Variants in TMEM63C observed in about 807,000 individuals in gnomAD.
TMEM63C encodes osmosensitive cation channel TMEM63C.
In TMEM63C, 32 loss-of-function variants were observed where a neutral mutation model predicts 99.2. The ratio of observed to expected loss-of-function variants is 0.32; its 90% CI spans 0.24 to 0.43. The LOEUF (loss-of-function observed/expected upper bound fraction) is 0.43, where lower values mean the gene tolerates loss of function less well. Ranked by LOEUF, TMEM63C falls within the 20% of genes least tolerant of loss-of-function variation. The pLI is 1.00. For missense variants in TMEM63C, 826 were observed against 1,053.0 expected, an observed-to-expected ratio of 0.78 and a Z score of 2.98; for synonymous variants, 376 against 397.9, an observed-to-expected ratio of 0.94 and a Z score of 0.66.
In TMEM63C at chr14:77,191,375, G is replaced by A. The variant is rs138240229; in HGVS notation, c.-77+9481G>A. Among the ~76,000 whole-genome samples, 375 of 152,186 alleles carry A rather than the reference G, an allele frequency of 2.5e-3. 1 individual carries two copies. The highest frequency in any genetic ancestry group is 8.4e-3 in the African/African-American group (347 of 41,506). ...GTCCTATTCTTTACCTGTAGCCTAA[G>A]GTGTGAGCTATCCTGGAGAATGTTC... On this transcript the variant is annotated intron_variant, in intron 1 of 23. Coordinates refer to ENST00000298351, the MANE Select transcript of TMEM63C (RefSeq NM_020431.4).
At chr14:77,253,819 C>T (rs1304234404) in intron 23 of TMEM63C, among the ~76,000 whole-genome samples, 1 of 152,226 alleles carries the variant, frequency 6.6e-6, no homozygotes, top group Non-Finnish European at 1.5e-5. Context: ...CCGAAATGAG[C>T]GAGCCTGTCT....
In TMEM63C at chr14:77,236,712, G is replaced by A; in HGVS notation, c.631G>A (p.Ala211Thr). Residue 211 changes from alanine (A) to threonine (T), a missense_variant, in exon 9 of 24, where the codon GCA becomes ACA. Ala to Thr is a moderately conservative substitution (Grantham distance 58, BLOSUM62 0). Transcript: ENST00000298351. ...CATGGCTCATCACTGCCTGGGGTTT[G>A]CACCCAGGAATAGCCAAAAGGTAAG... is the stretch of plus-strand genomic sequence containing the variant. ...MFMAHHCLGF[A>T]PRNSQKVTRT... is the part of the protein sequence containing the mutation. 2 of 1,612,216 alleles carry A rather than the reference G, an allele frequency of 1.2e-6. No homozygotes were observed. Among genetic ancestry groups the A allele is most frequent in the Admixed American group, 1.7e-5 (1 of 59,964 alleles).
intron 19 of TMEM63C, 127 bp from the exon 20 acceptor site, chr14:77,248,640 T>C: frequency 6.7e-7 from 1 of 1,491,672 alleles, no homozygotes; most frequent in Middle Eastern, 2.0e-4. Context: ...TGGGGCACCT[T>C]GGTCTACAGG....
At chr14:77,202,824 C>T (rs12889452) in intron 1 of TMEM63C, among the ~76,000 whole-genome samples, 8,901 of 118,376 alleles carry the variant, frequency 0.075, 358 homozygotes, top group Admixed American at 0.14. Context: ...GACAGGCAGG[C>T]GCACACACAC....
rs1260764414 is a variant in TMEM63C at position 77,253,307 on chromosome 14, C to T, written c.2151C>T (p.Pro717=). 124 of 1,612,520 alleles carry T rather than the reference C, an allele frequency of 7.7e-5. No individual in the cohort carries two copies. Among genetic ancestry groups the T allele is most frequent in the South Asian group, 1.8e-4 (16 of 90,558 alleles). The change falls in exon 23 of 24, where the codon CCC becomes CCT. Residue 717 remains proline, a splice_region_variant and synonymous_variant. Coordinates refer to ENST00000298351, the MANE Select transcript of TMEM63C (RefSeq NM_020431.4). ...GKLRMVADYE[P]EEEEIQTVFD... is the part of the protein sequence containing the mutation. ...CCCACCACCTCTCCCTGCTGCAGCC[C>T]GAGGAGGAGGAGATCCAGACAGTGT...
At chr14:77,245,030 C>T (rs1206921421) in intron 16 of TMEM63C, among the ~76,000 whole-genome samples, 1 of 152,214 alleles carries the variant, frequency 6.6e-6, no homozygotes, top group African/African-American at 2.4e-5. Context: ...GGCTTGAAAG[C>T]TGCATGCATC....
Position 77,258,057 on chromosome 14 carries a change from G to A in TMEM63C, c.*1331G>A, listed in dbSNP as rs889577968. 1.3e-5 allele frequency: 2 copies of A among 152,352 alleles called. No individual in the cohort carries two copies. Among genetic ancestry groups the A allele is most frequent in the South Asian group, 2.1e-4 (1 of 4,834 alleles). The allele number at this position is 152,352 out of a possible 1,614,324, so 9.4% of individuals were successfully genotyped here. ...TCAGCACCTTTGCCACAGCCGGGGG[G>A]AACCGGCTTCTGCCTCTGGGATGGG... On this transcript the variant is annotated 3_prime_UTR_variant, in exon 24 of 24. Coordinates refer to ENST00000298351, the MANE Select transcript of TMEM63C (RefSeq NM_020431.4).
chr14:77,215,056 T>C (rs1888556920), intron 2 of TMEM63C, among the ~76,000 whole-genome samples: 1 of 152,148 alleles, frequency 6.6e-6, no homozygotes, highest in African/African-American at 2.4e-5. Context: ...CTACCCCTAC[T>C]AAGTCTTCCA....
intron 1 of TMEM63C, among the ~76,000 whole-genome samples, chr14:77,205,173 G>A (rs1177206103): frequency 6.6e-6 from 1 of 152,234 alleles, no homozygotes; most frequent in African/African-American, 2.4e-5. Context: ...CTAGGAGGCT[G>A]GAGATGGAAG....
At chr14:77,233,579 A>T in intron 8 of TMEM63C, 79 bp downstream of exon 8, 1 of 1,485,788 alleles carries the variant, frequency 6.7e-7, no homozygotes, top group Non-Finnish European at 9.3e-7. Flanking sequence ...GTCAGTTTGC[A>T]ACATGGGCAG....
chr14:77,200,594 C>T (rs17105457), intron 1 of TMEM63C, among the ~76,000 whole-genome samples: 48,913 of 152,136 alleles, frequency 0.32, 9,400 homozygotes, highest in East Asian at 0.67. Flanking sequence ...AGACAGATGG[C>T]GCCAGAGCCC....
Position 77,201,804 on chromosome 14 carries a change from G to A in TMEM63C, c.-76-11642G>A, listed in dbSNP as rs78670643. On this transcript the variant is annotated intron_variant, in intron 1 of 23. Coordinates refer to ENST00000298351, the MANE Select transcript of TMEM63C (RefSeq NM_020431.4). Reference sequence around the variant, plus strand: ...GAGTGTCTCTGGGAGTAGCGGGGGCGGTTTCTTCTCTGCTGAAGGCTTCCA... The same window carrying A: ...GAGTGTCTCTGGGAGTAGCGGGGGCAGTTTCTTCTCTGCTGAAGGCTTCCA... Among the ~76,000 whole-genome samples, 47 of 152,270 alleles carry A rather than the reference G, an allele frequency of 3.1e-4. No individual in the cohort carries two copies. In the East Asian group the frequency reaches 5.8e-3, roughly 19 times the overall value.
In TMEM63C at chr14:77,240,583, T is replaced by C. The variant is rs201624931; in HGVS notation, c.1039T>C (p.Phe347Leu). 2,312 of 1,610,916 alleles carry C rather than the reference T, an allele frequency of 1.4e-3. 2 individuals carry two copies. Among genetic ancestry groups the C allele is most frequent in the Middle Eastern group, 2.5e-3 (15 of 6,060 alleles). The change falls in exon 13 of 24, where the codon TTC (phenylalanine) becomes CTC (leucine). Residue 347 changes from phenylalanine (F) to leucine (L), a missense_variant. Physicochemically the swap from Phe to Leu is conservative, Grantham distance 22. Transcript: ENST00000298351. ...LKRLDLIFVTFQDSRMAKRVR... is the reference protein window; with the variant it reads ...LKRLDLIFVTLQDSRMAKRVR... ...GCGGCTGGACCTGATCTTTGTCACC[T>C]TCCAGGACTCCAGGATGGCCAAGCG...
At chr14:77,202,327 C>T (rs1255859139) in intron 1 of TMEM63C, among the ~76,000 whole-genome samples, 3 of 147,258 alleles carry the variant, frequency 2.0e-5, no homozygotes, top group African/African-American at 7.5e-5. Flanking sequence ...CATTGACAGA[C>T]ACACCTCAAA....
chr14:77,253,313 G>A lies in TMEM63C; in HGVS notation c.2157G>A (p.Glu719=), dbSNP rs760527121. 2 of 1,613,054 alleles carry A rather than the reference G, an allele frequency of 1.2e-6. No homozygotes were observed. The highest frequency in any genetic ancestry group is 1.7e-6 in the Non-Finnish European group (2 of 1,179,660). The change falls in exon 23 of 24, where the codon GAG becomes GAA. Residue 719 remains glutamate, a synonymous_variant. Transcript: ENST00000298351. ...ACCTCTCCCTGCTGCAGCCCGAGGA[G>A]GAGGAGATCCAGACAGTGTTTGACA... ...LRMVADYEPE[E]EEIQTVFDME...
intron 6 of TMEM63C, among the ~76,000 whole-genome samples, chr14:77,227,519 T>A (rs767436228): frequency 3.3e-5 from 5 of 152,138 alleles, no homozygotes; most frequent in Non-Finnish European, 5.9e-5. Flanking sequence ...AGGAGAAAGG[T>A]CAGAGTTAGA....
rs191109242 is a variant in TMEM63C at position 77,255,235 on chromosome 14, C to T, written c.2221-1291C>T. Among the ~76,000 whole-genome samples the T allele has an allele frequency of 3.6e-3, 545 of 152,382 alleles. 3 individuals are homozygous for T. The highest frequency in any genetic ancestry group is 4.2e-3 in the Non-Finnish European group (285 of 68,046). Reference sequence around the variant, plus strand: ...CGAACTTCTGACCTCAGCTGATCCACCCGCCTCGGCCTCCCAAAGTGCTGG... The same window carrying T: ...CGAACTTCTGACCTCAGCTGATCCATCCGCCTCGGCCTCCCAAAGTGCTGG... On this transcript the variant is annotated intron_variant, in intron 23 of 23. Coordinates refer to ENST00000298351, the MANE Select transcript of TMEM63C (RefSeq NM_020431.4).
chr14:77,243,759 G>T (rs1889220774), intron 15 of TMEM63C, among the ~76,000 whole-genome samples: 1 of 152,070 alleles, frequency 6.6e-6, no homozygotes, highest in African/African-American at 2.4e-5. Flanking sequence ...ACACACATGT[G>T]CATGCGCACA....
At chr14:77,206,061 A>G (rs1022720695) in intron 1 of TMEM63C, among the ~76,000 whole-genome samples, 3 of 152,202 alleles carry the variant, frequency 2.0e-5, no homozygotes, top group African/African-American at 7.2e-5. Flanking sequence ...CGTCAGGCTC[A>G]GAGGTAATCC....
Sources: allele counts gnomAD v4.1 joint callset (sites outside exome capture counted in the v4.1 genomes callset), GRCh38; gene constraint gnomAD v4.1.1; transcripts MANE v1.5; gene names NCBI Gene and HGNC (gene_info 2026-07-23, HGNC 2026-07-21).